UMAD1: variants seen among roughly 807,000 people sequenced by gnomAD.
UMAD1 encodes UBAP1-MVB12-associated (UMA) domain containing 1, also known as UBAP1-MVB12-associated (UMA)-domain containing protein 1.
A neutral mutation model predicts 6.1 loss-of-function variants in UMAD1; 8 were observed. The observed-to-expected ratio is 1.30, with a 90% confidence interval of 0.76 to 2.35. The LOEUF (loss-of-function observed/expected upper bound fraction) is 2.35, where lower values mean the gene tolerates loss of function less well. Among genes scored for constraint, UMAD1 ranks in the 30% most tolerant of loss-of-function variants. The probability of loss-of-function intolerance (pLI) is 0.00; values close to 1 mark genes in which losing one functional copy is unlikely to be tolerated. For missense variants in UMAD1, 130 were observed against 78.4 expected (o/e 1.66, Z -2.49); for synonymous variants, 56 against 31.4 (o/e 1.78, Z -2.61).
At chr7:7,864,705 A>G (rs895543123) in intron 3 of UMAD1, among the ~76,000 whole-genome samples, 14 of 151,970 alleles carry the variant, frequency 9.2e-5, no homozygotes, top group African/African-American at 2.9e-4. Context: ...AACATTGAAT[A>G]AAAACAATGT....
At chr7:7,711,928 T>G (rs968891540) in intron 2 of UMAD1, among the ~76,000 whole-genome samples, 9 of 152,156 alleles carry the variant, frequency 5.9e-5, no homozygotes, top group African/African-American at 1.9e-4. Flanking sequence ...TAACTTTGGT[T>G]ATAGTGTGGT....
At chr7:7,852,857 A>G (rs919167498) in intron 3 of UMAD1, among the ~76,000 whole-genome samples, 17 of 152,198 alleles carry the variant, frequency 1.1e-4, no homozygotes, top group African/African-American at 3.9e-4. Context: ...ATGATCTAAT[A>G]TTAATAAACT....
chr7:7,861,074 TAC>T (rs1258115206), intron 3 of UMAD1, among the ~76,000 whole-genome samples: 4 of 152,132 alleles, frequency 2.6e-5, no homozygotes, highest in African/African-American at 9.7e-5. Flanking sequence ...AAAAAGTGTT[TAC>T]AAAAAGCTTA....
intron 1 of UMAD1, among the ~76,000 whole-genome samples, chr7:7,672,503 C>T (rs1583717887): frequency 1.3e-5 from 2 of 152,270 alleles, no homozygotes; most frequent in East Asian, 1.9e-4. Context: ...TGTCCCCACC[C>T]AAATCTCACT....
At chr7:7,685,641 A>AT (rs1780027059) in intron 2 of UMAD1, among the ~76,000 whole-genome samples, 1 of 152,194 alleles carries the variant, frequency 6.6e-6, no homozygotes, top group African/African-American at 2.4e-5. Context: ...TTTCTAAAAA[A>AT]TTTAAGTGTT....
intron 2 of UMAD1, among the ~76,000 whole-genome samples, chr7:7,776,364 C>T (rs1433445036): frequency 6.6e-6 from 1 of 152,110 alleles, no homozygotes; most frequent in South Asian, 2.1e-4. Context: ...AATTGTTAAA[C>T]GCTAATCTCA....
chr7:7,788,892 A>G (rs1000370824), intron 2 of UMAD1, among the ~76,000 whole-genome samples: 2 of 152,214 alleles, frequency 1.3e-5, no homozygotes, highest in African/African-American at 2.4e-5. Flanking sequence ...ATTAAAGGTT[A>G]CACATATTCG....
chr7:7,775,724 C>G (rs1782192137), intron 2 of UMAD1, among the ~76,000 whole-genome samples: 1 of 152,174 alleles, frequency 6.6e-6, no homozygotes, highest in Admixed American at 6.5e-5. Context: ...ATGTTACAGT[C>G]ATTTTGGAAG....
chr7:7,720,884 C>G (rs1271177002), intron 2 of UMAD1, among the ~76,000 whole-genome samples: 2 of 152,016 alleles, frequency 1.3e-5, no homozygotes, highest in African/African-American at 4.8e-5. Context: ...ATGAATGTGA[C>G]CTTATTTTGA....
chr7:7,686,320 G>T (rs1287416508), intron 2 of UMAD1, among the ~76,000 whole-genome samples: 1 of 152,120 alleles, frequency 6.6e-6, no homozygotes, highest in Non-Finnish European at 1.5e-5. Context: ...TGGTTTGTGG[G>T]CCTTGTGTGG....
intron 3 of UMAD1, among the ~76,000 whole-genome samples, chr7:7,871,068 G>A (rs1038635599): frequency 6.6e-6 from 1 of 152,062 alleles, no homozygotes; most frequent in East Asian, 1.9e-4. Flanking sequence ...ACTGTCCACG[G>A]TGTTTTTCCC....
intron 2 of UMAD1, among the ~76,000 whole-genome samples, chr7:7,678,855 C>T (rs186177686): frequency 0.022 from 309 of 14,122 alleles, 108 homozygotes; most frequent in African/African-American, 0.086. Flanking sequence ...AGTTTATAAA[C>T]ATATATTTAT....
chr7:7,676,263 G>A (rs1043318815), intron 2 of UMAD1: 15 of 397,830 alleles, frequency 3.8e-5, no homozygotes, highest in Non-Finnish European at 5.8e-5. Flanking sequence ...GCACGATATC[G>A]GTACCTACCC....
At chr7:7,683,479 C>T (rs982184060) in intron 2 of UMAD1, among the ~76,000 whole-genome samples, 1 of 152,088 alleles carries the variant, frequency 6.6e-6, no homozygotes, top group East Asian at 1.9e-4. Context: ...GTTACAGTTT[C>T]TTTTTTAGTT....
intron 2 of UMAD1, among the ~76,000 whole-genome samples, chr7:7,757,676 T>C (rs1781803728): frequency 6.6e-6 from 1 of 152,222 alleles, no homozygotes; most frequent in African/African-American, 2.4e-5. Flanking sequence ...GTTCAACCAC[T>C]TGCTAGCTGT....
At chr7:7,729,424 C>A (rs1343762724) in intron 2 of UMAD1, among the ~76,000 whole-genome samples, 2 of 152,146 alleles carry the variant, frequency 1.3e-5, no homozygotes, top group Non-Finnish European at 2.9e-5. Context: ...GGACTTTGTT[C>A]TCTCAGACAG....
chr7:7,864,602 T>TACACACACACACACAC (rs59036228), intron 3 of UMAD1, among the ~76,000 whole-genome samples: 16 of 140,248 alleles, frequency 1.1e-4, no homozygotes, highest in South Asian at 2.5e-4. Context: ...ACATGAAAAC[T>TACACACACACACACAC]ACACACACAC....
At chr7:7,646,974 T>A (rs1020897475) in intron 1 of UMAD1, among the ~76,000 whole-genome samples, 9 of 152,194 alleles carry the variant, frequency 5.9e-5, no homozygotes, top group African/African-American at 2.2e-4. Flanking sequence ...GGTGGAGCCC[T>A]CGCCAGGGAC....
chr7:7,714,853 C>CTTTTT (rs1029148023), intron 2 of UMAD1, among the ~76,000 whole-genome samples: 54 of 111,080 alleles, frequency 4.9e-4, no homozygotes, highest in Non-Finnish European at 7.0e-4. Context: ...AAAAATTTTT[C>CTTTTT]TTTTTTTTTT....
Sources: allele counts gnomAD v4.1 joint callset (sites outside exome capture counted in the v4.1 genomes callset), GRCh38; gene constraint gnomAD v4.1.1; transcripts MANE v1.5; gene names NCBI Gene and HGNC (gene_info 2026-07-23, HGNC 2026-07-21).